PLSCR2: variants seen among roughly 807,000 people sequenced by gnomAD.
PLSCR2 encodes the protein PL scramblase 2.
PLSCR2 carries 18 observed loss-of-function variants against 25.3 expected under a neutral mutation model. The observed-to-expected ratio is 0.71, with a 90% confidence interval of 0.49 to 1.06. The LOEUF (loss-of-function observed/expected upper bound fraction) is 1.06, where lower values mean the gene tolerates loss of function less well. PLSCR2 is among the 50% of genes least tolerant of loss of function. PLSCR2 has a pLI of 0.00. For synonymous variants in PLSCR2, 88 were observed against 87.3 expected (o/e 1.01, Z -0.04); for missense variants, 243 against 269.5 (o/e 0.90, Z 0.69).
At chr3:146,422,908 C>G (rs76347600) in intron 2 of PLSCR2, among the ~76,000 whole-genome samples, 2,392 of 152,082 alleles carry the variant, frequency 0.016, 45 homozygotes, top group African/African-American at 0.044. Flanking sequence ...GGTTTGTGAT[C>G]TGTGAAATAA....
chr3:146,474,518 G>A (rs2042222397), intron 1 of PLSCR2, among the ~76,000 whole-genome samples: 1 of 152,218 alleles, frequency 6.6e-6, no homozygotes, highest in South Asian at 2.1e-4. Context: ...TATCTGATGG[G>A]CTTCCCGTTG....
At chr3:146,415,857 G>A (rs975309010) in intron 2 of PLSCR2, among the ~76,000 whole-genome samples, 4 of 152,224 alleles carry the variant, frequency 2.6e-5, no homozygotes, top group Admixed American at 2.6e-4. Context: ...TAACGCACAA[G>A]CAATAGATGA....
intron 1 of PLSCR2, among the ~76,000 whole-genome samples, chr3:146,493,783 GTTTTTTTTTTTTT>G (rs34986699): frequency 1.8e-5 from 1 of 54,770 alleles, no homozygotes; most frequent in Non-Finnish European, 3.2e-5. Context: ...CCAAGGTGGC[GTTTTTTTTTTTTT>G]TTTTTTTTTT....
chr3:146,476,259 G>A lies in PLSCR2; in HGVS notation c.-292-15975C>T, dbSNP rs1297208660. Among the ~76,000 whole-genome samples the A allele has an allele frequency of 2.6e-5, 4 of 152,182 alleles. No individual in the cohort carries two copies. In the East Asian group the frequency reaches 5.8e-4, roughly 22 times the overall value. On this transcript the variant is annotated intron_variant, in intron 1 of 8. Transcript: ENST00000336685. Reference sequence around the variant, plus strand: ...GACTCACAGAGAGTAAGGAAATGCAGTGTGGTGCATCGCCTCACCTGAGAG... The same window carrying A: ...GACTCACAGAGAGTAAGGAAATGCAATGTGGTGCATCGCCTCACCTGAGAG...
intron 1 of PLSCR2, among the ~76,000 whole-genome samples, chr3:146,476,490 C>T (rs891767319): frequency 3.3e-5 from 5 of 152,224 alleles, no homozygotes; most frequent in African/African-American, 1.2e-4. Flanking sequence ...TGGCATCTGC[C>T]TAGGACTACT....
chr3:146,407,672 A>C (rs1428741418), intron 2 of PLSCR2, among the ~76,000 whole-genome samples: 1 of 152,156 alleles, frequency 6.6e-6, no homozygotes, highest in Non-Finnish European at 1.5e-5. Flanking sequence ...ACAGTAGCAA[A>C]GCCGTACCTG....
chr3:146,461,885 G>A (rs1369609395), upstream of PLSCR2: 4 of 1,464,242 alleles, frequency 2.7e-6, no homozygotes, highest in Non-Finnish European at 1.8e-6. Flanking sequence ...TATATCTTGC[G>A]AAGTTTTCAG....
chr3:146,423,940 A>G (rs1253744739), intron 2 of PLSCR2, among the ~76,000 whole-genome samples: 1 of 152,092 alleles, frequency 6.6e-6, no homozygotes, highest in Non-Finnish European at 1.5e-5. Flanking sequence ...AGGCTGCCCA[A>G]ATAAATTACC....
chr3:146,437,783 C>T (rs2039973764), downstream of PLSCR2, among the ~76,000 whole-genome samples: 2 of 152,068 alleles, frequency 1.3e-5, no homozygotes, highest in African/African-American at 2.4e-5. Context: ...TTCACTTCTG[C>T]TCTGATCTTA....
chr3:146,459,946 G>T (rs776140560), exon 2 of PLSCR2: 1 of 1,614,110 alleles, frequency 6.2e-7, no homozygotes, highest in Non-Finnish European at 8.5e-7. Flanking sequence ...TTTTGAACAG[G>T]AATGCCAGCT....
chr3:146,490,562 T>C (rs1259630718), intron 1 of PLSCR2, among the ~76,000 whole-genome samples: 1 of 151,970 alleles, frequency 6.6e-6, no homozygotes, highest in Non-Finnish European at 1.5e-5. Flanking sequence ...TTTACATATA[T>C]TTAGGATAGT....
chr3:146,436,413 A>G (rs868290298), intron 8 of PLSCR2, among the ~76,000 whole-genome samples: 4 of 152,180 alleles, frequency 2.6e-5, no homozygotes, highest in Non-Finnish European at 5.9e-5. Flanking sequence ...TGAGCATGAA[A>G]TGTTCTTCCA....
chr3:146,417,560 A>G (rs1301788442), intron 2 of PLSCR2, among the ~76,000 whole-genome samples: 4 of 152,152 alleles, frequency 2.6e-5, no homozygotes, highest in Non-Finnish European at 5.9e-5. Flanking sequence ...TTAAGTTACT[A>G]TTATTATTAT....
chr3:146,436,733 G>T (rs2039884322), intron 8 of PLSCR2, among the ~76,000 whole-genome samples: 1 of 112,584 alleles, frequency 8.9e-6, no homozygotes, highest in African/African-American at 2.7e-5. Context: ...GGGACAATTT[G>T]ACTTCCTCTT....
chr3:146,449,871 A>G lies in PLSCR2; in HGVS notation c.484-504T>C, dbSNP rs574385043. On this transcript the variant is annotated intron_variant, in intron 5 of 6. Transcript: ENST00000610787. ...GGAAAACATAAAATGCTAAGAGCCT[A>G]GAAAAGAAGACTGACAGTTTGAGTG... 5.3e-5 allele frequency among the ~76,000 whole-genome samples: 8 copies of G among 152,308 alleles called. No homozygotes were observed. The South Asian group carries it at 1.4e-3, about 28-fold the overall frequency.
intron 2 of PLSCR2, among the ~76,000 whole-genome samples, chr3:146,397,485 C>A (rs1052640537): frequency 1.3e-5 from 2 of 151,974 alleles, no homozygotes; most frequent in African/African-American, 2.4e-5. Flanking sequence ...TTATTCATAG[C>A]CAAAAGTATT....
chr3:146,458,564 A>G (rs1222457884), intron 2 of PLSCR2, 111 bp from the exon 3 acceptor site: 2 of 713,626 alleles, frequency 2.8e-6, no homozygotes, highest in Non-Finnish European at 4.0e-6. Flanking sequence ...ACATTTATCA[A>G]TATCAAATTT....
chr3:146,429,662 T>G (rs59122638), downstream of PLSCR2, among the ~76,000 whole-genome samples: 14,326 of 152,006 alleles, frequency 0.094, 943 homozygotes, highest in African/African-American at 0.18. Context: ...GTCTCGCTCT[T>G]TCACACAGGC....
intron 2 of PLSCR2, 21 bp downstream of exon 2, chr3:146,459,827 A>G: frequency 2.1e-6 from 3 of 1,458,894 alleles, no homozygotes; most frequent in Non-Finnish European, 1.9e-6. Flanking sequence ...TTTTCTGAGT[A>G]TTTTACGTAT....
Sources: gnomAD v4.1 joint callset for allele counts (sites outside exome capture counted in the v4.1 genomes callset) on GRCh38, gnomAD v4.1.1 for gene constraint, MANE v1.5 for transcripts, NCBI Gene and HGNC (gene_info 2026-07-23, HGNC 2026-07-21) for gene names.